RSU1: variants seen among roughly 807,000 people sequenced by gnomAD.
RSU1 encodes Ras suppressor protein 1.
In RSU1, 26 loss-of-function variants were observed where a neutral mutation model predicts 31.1. The observed-to-expected ratio is 0.84, with a 90% CI of 0.61 to 1.16. The LOEUF (loss-of-function observed/expected upper bound fraction) is 1.16, where lower values mean the gene tolerates loss of function less well. RSU1 is among the 50% of genes most tolerant of loss of function. The pLI is 0.00. For synonymous variants in RSU1, 164 were observed against 136.3 expected (o/e 1.20, Z -1.41); for missense variants, 320 against 339.1 (o/e 0.94, Z 0.44).
chr10:16,676,902 G>C (rs1355759421), intron 8 of RSU1, among the ~76,000 whole-genome samples: 1 of 152,164 alleles, frequency 6.6e-6, no homozygotes, highest in Non-Finnish European at 1.5e-5. Flanking sequence ...ATAAGGGGTT[G>C]CTAAATTAGA....
At chr10:16,817,232 G>GTGGGTTTGGGTT in intron 1 of RSU1, 83 bp downstream of exon 1, 1 of 455,846 alleles carries the variant, frequency 2.2e-6, no homozygotes, top group East Asian at 4.2e-5. Flanking sequence ...CGGGTGCGGG[G>GTGGGTTTGGGTT]AGGGGATGGA....
intron 8 of RSU1, among the ~76,000 whole-genome samples, chr10:16,640,114 C>G (rs927264466): frequency 1.3e-5 from 2 of 151,682 alleles, no homozygotes; most frequent in Non-Finnish European, 2.9e-5. Context: ...AAAATTATGA[C>G]AGGGGAAGAG....
chr10:16,639,365 G>C (rs1834400260), intron 8 of RSU1, among the ~76,000 whole-genome samples: 1 of 152,132 alleles, frequency 6.6e-6, no homozygotes, highest in Admixed American at 6.5e-5. Context: ...TGGCAAAACA[G>C]CAGCCCTTAC....
At chr10:16,747,161 A>C (rs1836872831) in intron 7 of RSU1, among the ~76,000 whole-genome samples, 1 of 152,164 alleles carries the variant, frequency 6.6e-6, no homozygotes, top group African/African-American at 2.4e-5. Flanking sequence ...AGCCCGACCC[A>C]TTAACATCCT....
chr10:16,759,877 A>ATGGAGGGTGTCTTT (rs145997772), intron 4 of RSU1, among the ~76,000 whole-genome samples: 3 of 152,060 alleles, frequency 2.0e-5, no homozygotes, highest in Non-Finnish European at 4.4e-5. Context: ...GCAAATTCTG[A>ATGGAGGGTGTCTTT]TGGATCACAC....
At position 16,757,792 on chromosome 10, in the gene RSU1, C is replaced by G. The variant is rs538781738; in HGVS notation, c.282-2803G>C. Among the ~76,000 whole-genome samples, 187 of 152,332 alleles carry G rather than the reference C, an allele frequency of 1.2e-3. 1 individual carries two copies. The highest frequency in any genetic ancestry group is 4.3e-3 in the African/African-American group (177 of 41,580). The stretch of plus-strand genomic sequence containing the variant: ...GAAGAATTGCAAGTCAAAGGAAGGA[C>G]AGCAGAGAAGACCACACTAGGTGCT... On this transcript the variant is annotated intron_variant, in intron 4 of 8. Coordinates refer to ENST00000345264, the MANE Select transcript of RSU1 (RefSeq NM_012425.4).
intron 8 of RSU1, among the ~76,000 whole-genome samples, chr10:16,597,838 G>A (rs1221642939): frequency 1.3e-5 from 2 of 152,178 alleles, no homozygotes; most frequent in Non-Finnish European, 2.9e-5. Context: ...CTTCCTCAGT[G>A]AGTCATCGGC....
intron 3 of RSU1, among the ~76,000 whole-genome samples, chr10:16,781,173 G>T (rs879458107): frequency 6.6e-6 from 1 of 152,122 alleles, no homozygotes; most frequent in African/African-American, 2.4e-5. Flanking sequence ...AAGAAAAATG[G>T]CAAGCAAAAA....
In RSU1 at chr10:16,706,353, G is replaced by A. The variant is rs983841899; in HGVS notation, c.599-11198C>T. 2.6e-5 allele frequency among the ~76,000 whole-genome samples: 4 copies of A among 152,150 alleles called. No homozygotes were observed. In the South Asian group the frequency reaches 8.3e-4, roughly 32 times the overall value. ...CACTTGCACTTCCGTAATGACTAGA[G>A]ATGTTGAACATTTTTTCATGTGCTT... is the stretch of plus-strand genomic sequence containing the variant. On this transcript the variant is annotated intron_variant, in intron 7 of 8. Transcript: ENST00000345264.
At chr10:16,775,832 G>A (rs1017346833) in intron 3 of RSU1, among the ~76,000 whole-genome samples, 2 of 152,134 alleles carry the variant, frequency 1.3e-5, no homozygotes, top group African/African-American at 2.4e-5. Flanking sequence ...TGGCAGAGAA[G>A]CAAACTGATA....
chr10:16,734,486 A>G (rs1836583924), intron 7 of RSU1, among the ~76,000 whole-genome samples: 1 of 152,360 alleles, frequency 6.6e-6, no homozygotes, highest in African/African-American at 2.4e-5. Flanking sequence ...ACTAAAGGGC[A>G]CATGCGTGGA....
In RSU1 at chr10:16,701,633, C is replaced by A. The variant is rs79329585; in HGVS notation, c.599-6478G>T. On this transcript the variant is annotated intron_variant, in intron 7 of 8. Coordinates refer to ENST00000345264, the MANE Select transcript of RSU1 (RefSeq NM_012425.4). ...TACAACTTACACACACACACACACACAAAAAGATTTAAAAAGAGAAAACCA... is the reference window on the plus strand; with the variant it reads ...TACAACTTACACACACACACACACAAAAAAAGATTTAAAAAGAGAAAACCA... Among the ~76,000 whole-genome samples the A allele has an allele frequency of 2.4e-4, 35 of 145,650 alleles. No individual in the cohort carries two copies. In the East Asian group the frequency reaches 3.1e-3, roughly 13 times the overall value.
At chr10:16,752,840 G>A (rs1837006997) in intron 6 of RSU1, 78 bp downstream of exon 6, 2 of 1,319,676 alleles carry the variant, frequency 1.5e-6, no homozygotes, top group Non-Finnish European at 2.2e-6. Context: ...CCTTACTCCT[G>A]CTCAAATTGA....
chr10:16,785,574 C>T (rs1447224855), intron 2 of RSU1, among the ~76,000 whole-genome samples: 1 of 150,338 alleles, frequency 6.7e-6, no homozygotes, highest in Non-Finnish European at 1.5e-5. Flanking sequence ...AGGGATGGTG[C>T]TAACCCATTT....
chr10:16,609,158 T>G (rs896748977), intron 8 of RSU1, among the ~76,000 whole-genome samples: 3 of 152,162 alleles, frequency 2.0e-5, no homozygotes, highest in African/African-American at 7.2e-5. Context: ...TAAAATCAGA[T>G]TTTTAAGAAT....
At chr10:16,803,643 C>G (rs1477659781) in intron 2 of RSU1, among the ~76,000 whole-genome samples, 1 of 152,124 alleles carries the variant, frequency 6.6e-6, no homozygotes, top group Non-Finnish European at 1.5e-5. Context: ...AAGTAGGTCA[C>G]TGGAATAAAA....
At chr10:16,666,200 C>A (rs1834984749) in intron 8 of RSU1, among the ~76,000 whole-genome samples, 1 of 151,850 alleles carries the variant, frequency 6.6e-6, no homozygotes, top group African/African-American at 2.4e-5. Context: ...CATTGATGAT[C>A]CCTTACTACA....
Position 16,591,949 on chromosome 10 carries a change from A to C in RSU1, c.*1445T>G, listed in dbSNP as rs1026803486. The C allele has an allele frequency of 6.6e-6, 1 of 151,908 alleles. No homozygotes were observed. Among genetic ancestry groups the C allele is most frequent in the Non-Finnish European group, 1.5e-5 (1 of 68,052 alleles). The allele number at this position is 151,908 out of a possible 1,614,324, so 9.4% of individuals were successfully genotyped here. Reference sequence around the variant, plus strand: ...CCTGGGGAAGCCACTTCCCACATTTAAATGTTCTATCAGGAATTTGTCTAG... The same window carrying C: ...CCTGGGGAAGCCACTTCCCACATTTCAATGTTCTATCAGGAATTTGTCTAG... On this transcript the variant is annotated 3_prime_UTR_variant, in exon 9 of 9. Transcript: ENST00000345264.
chr10:16,616,386 A>G lies in RSU1; in HGVS notation c.732-22890T>C, dbSNP rs971055696. The stretch of plus-strand genomic sequence containing the variant: ...GCCTACCAACCAAAAAAAAAAAAAA[A>G]AAAAAAAAACCCCAGGACCAGATGG... On this transcript the variant is annotated intron_variant, in intron 8 of 8. Transcript: ENST00000345264. Among the ~76,000 whole-genome samples, 13 of 147,522 alleles carry G rather than the reference A, an allele frequency of 8.8e-5. No homozygotes were observed. In the South Asian group the frequency reaches 2.3e-3, roughly 26 times the overall value.
Sources: gnomAD v4.1 joint callset for allele counts (sites outside exome capture counted in the v4.1 genomes callset) on GRCh38, gnomAD v4.1.1 for gene constraint, MANE v1.5 for transcripts, NCBI Gene and HGNC (gene_info 2026-07-23, HGNC 2026-07-21) for gene names.